Variants in APLP2 observed in about 807,000 individuals in gnomAD.
APLP2 encodes the protein amyloid beta precursor like protein 2.
APLP2 carries 53 observed loss-of-function variants against 89.9 expected under a neutral mutation model. The observed-to-expected ratio is 0.59, with a 90% CI of 0.47 to 0.74. The LOEUF (loss-of-function observed/expected upper bound fraction) is 0.74, where lower values mean the gene tolerates loss of function less well. APLP2 is among the 30% of genes least tolerant of loss of function. The probability of loss-of-function intolerance (pLI) is 0.00; values close to 1 mark genes in which losing one functional copy is unlikely to be tolerated. For synonymous variants in APLP2, 372 were observed against 348.6 expected, an observed-to-expected ratio of 1.07 and a Z score of -0.75; for missense variants, 973 against 975.9, an observed-to-expected ratio of 1.00 and a Z score of 0.04.
At chr11:130,099,737 C>T (rs1946658078) in intron 1 of APLP2, among the ~76,000 whole-genome samples, 1 of 152,186 alleles carries the variant, frequency 6.6e-6, no homozygotes, top group South Asian at 2.1e-4. Flanking sequence ...CATTTCATGC[C>T]ATCCTGGATT....
chr11:130,130,066 G>T lies in APLP2; in HGVS notation c.1484G>T (p.Arg495Leu), dbSNP rs774932238. The change falls in exon 11 of 17, where the codon CGT becomes CTT. Residue 495 changes from arginine (R) to leucine (L), a missense_variant. Transcript: ENST00000338167. ...RPHRILQALR[R>L]YVRAENKDRL... ...CATCGCATTCTCCAGGCCTTACGGC[G>T]TTATGTCCGTGCTGAGAACAAAGAT... 3 of 1,614,190 alleles carry T rather than the reference G, an allele frequency of 1.9e-6. No homozygotes were observed. The highest frequency in any genetic ancestry group is 1.7e-5 in the Admixed American group (1 of 60,016).
At chr11:130,142,157 C>T (rs1199970811) in intron 16 of APLP2, 83 bp downstream of exon 16, 4 of 1,405,606 alleles carry the variant, frequency 2.8e-6, no homozygotes, top group Non-Finnish European at 2.9e-6. Flanking sequence ...TAGGCATCTT[C>T]ACTCCTCGAG....
At chr11:130,071,131 C>G (rs1940996981) in intron 1 of APLP2, among the ~76,000 whole-genome samples, 1 of 152,088 alleles carries the variant, frequency 6.6e-6, no homozygotes, top group African/African-American at 2.4e-5. Context: ...AAAATTACAA[C>G]TGGTTTCTGC....
chr11:130,129,455 C>T (rs1950698725), intron 10 of APLP2, among the ~76,000 whole-genome samples: 1 of 152,168 alleles, frequency 6.6e-6, no homozygotes, highest in African/African-American at 2.4e-5. Flanking sequence ...AGTATAACCT[C>T]GCGAAATTGA....
intron 3 of APLP2, 127 bp from the exon 4 acceptor site, chr11:130,120,579 A>G (rs954076108): frequency 2.9e-6 from 2 of 694,632 alleles, no homozygotes; most frequent in Non-Finnish European, 5.2e-6. Context: ...AAGGTACGAG[A>G]TGTGCATCTG....
At chr11:130,132,676 A>G (rs1951068887) in intron 11 of APLP2, among the ~76,000 whole-genome samples, 1 of 151,722 alleles carries the variant, frequency 6.6e-6, no homozygotes, top group South Asian at 2.1e-4. Flanking sequence ...GCTACGGTAG[A>G]TGAGTCTTCC....
intron 3 of APLP2, among the ~76,000 whole-genome samples, chr11:130,110,883 C>T (rs1399497993): frequency 1.7e-4 from 26 of 152,084 alleles, no homozygotes; most frequent in Admixed American, 1.7e-3. Flanking sequence ...AGACATCCTT[C>T]CTCAGGACTG....
At chr11:130,087,195 T>C (rs1288211895) in intron 1 of APLP2, among the ~76,000 whole-genome samples, 2 of 152,260 alleles carry the variant, frequency 1.3e-5, no homozygotes, top group Non-Finnish European at 2.9e-5. Context: ...TTTATTCTTT[T>C]AGAGTAACTG....
chr11:130,132,933 C>T (rs1951090521), intron 11 of APLP2, among the ~76,000 whole-genome samples: 1 of 151,448 alleles, frequency 6.6e-6, no homozygotes, highest in African/African-American at 2.4e-5. Flanking sequence ...TCTTCTTTCA[C>T]TCAGCAAAAC....
intron 1 of APLP2, among the ~76,000 whole-genome samples, chr11:130,094,181 G>C (rs12577800): frequency 0.097 from 14,665 of 151,000 alleles, 1,041 homozygotes; most frequent in African/African-American, 0.19. Context: ...AGCCTCCCAA[G>C]TAACTGGGAT....
Position 130,120,803 on chromosome 11 carries a change from C to T in APLP2, c.501C>T (p.His167=). ...TGTGTGAGAATCACCAGCACTGGCACACGGTAGTCAAAGAGGTAAGAGAAC... is the reference window on the plus strand; with the variant it reads ...TGTGTGAGAATCACCAGCACTGGCATACGGTAGTCAAAGAGGTAAGAGAAC... ...MEVCENHQHW[H]TVVKEACLTQ... Residue 167 remains histidine (H), a synonymous_variant, in exon 4 of 17, where the codon CAC becomes CAT. Transcript: ENST00000338167. The T allele has an allele frequency of 6.2e-7, 1 of 1,613,526 alleles. No individual in the cohort carries two copies. The highest frequency in any genetic ancestry group is 8.5e-7 in the Non-Finnish European group (1 of 1,179,586).
chr11:130,092,284 G>A (rs1407219794), intron 1 of APLP2, among the ~76,000 whole-genome samples: 24 of 136,382 alleles, frequency 1.8e-4, no homozygotes, highest in Non-Finnish European at 2.8e-4. Flanking sequence ...ATGATGGGCG[G>A]CCAGGCAGAG....
At chr11:130,072,271 C>T (rs1941256355) in intron 1 of APLP2, among the ~76,000 whole-genome samples, 1 of 152,096 alleles carries the variant, frequency 6.6e-6, no homozygotes, top group African/African-American at 2.4e-5. Flanking sequence ...TCCTGAGAAC[C>T]GGAACTTGAG....
At chr11:130,103,827 C>G (rs1947270312) in intron 1 of APLP2, among the ~76,000 whole-genome samples, 1 of 152,172 alleles carries the variant, frequency 6.6e-6, no homozygotes, top group African/African-American at 2.4e-5. Context: ...CACCTGAAAT[C>G]TGATTTGTTT....
In APLP2 at chr11:130,137,189, C is replaced by G. The variant is rs910830015; in HGVS notation, c.1837+1474C>G. The G allele has an allele frequency of 8.1e-6, 11 of 1,358,846 alleles. No homozygotes were observed. The African/African-American group carries it at 1.4e-4, about 18-fold the overall frequency. 84.2% of individuals were successfully genotyped at this position (1,358,846 alleles called of 1,614,324 possible). A position where few individuals can be genotyped will look rare whatever the true frequency, so the allele number is the denominator to read the frequency against. On this transcript the variant is annotated intron_variant, in intron 13 of 16. Coordinates refer to ENST00000338167, the MANE Select transcript of APLP2 (RefSeq NM_001142276.2). ...TCTAAGATAGAAATTTTAAAAGAAGCCATTTTCTTTTTTAATCTCCTTTTG... is the reference window on the plus strand; with the variant it reads ...TCTAAGATAGAAATTTTAAAAGAAGGCATTTTCTTTTTTAATCTCCTTTTG...
At chr11:130,096,400 G>A (rs1946214932) in intron 1 of APLP2, among the ~76,000 whole-genome samples, 1 of 152,208 alleles carries the variant, frequency 6.6e-6, no homozygotes, top group Non-Finnish European at 1.5e-5. Context: ...AGGGCTCCCA[G>A]TGCCCACCTG....
At chr11:130,077,780 CAT>C (rs932126588) in intron 1 of APLP2, among the ~76,000 whole-genome samples, 2 of 152,170 alleles carry the variant, frequency 1.3e-5, no homozygotes, top group Admixed American at 6.5e-5. Context: ...TTTATCAACA[CAT>C]AGTGTTAATT....
chr11:130,073,957 C>T (rs12420010), intron 1 of APLP2, among the ~76,000 whole-genome samples: 17,606 of 152,200 alleles, frequency 0.12, 1,343 homozygotes, highest in East Asian at 0.25. Context: ...ATTTGCTTTA[C>T]TACTGCATTT....
chr11:130,129,694 G>A (rs1040455984), intron 10 of APLP2, among the ~76,000 whole-genome samples: 1 of 152,154 alleles, frequency 6.6e-6, no homozygotes. Context: ...TAAGTAAGCC[G>A]GTTAAAGTCT....
Sources: allele counts gnomAD v4.1 joint callset (sites outside exome capture counted in the v4.1 genomes callset), GRCh38; gene constraint gnomAD v4.1.1; transcripts MANE v1.5; gene names NCBI Gene and HGNC (gene_info 2026-07-23, HGNC 2026-07-21).